The following CEBPZ variants were observed in gnomAD, a reference collection of about 807,000 sequenced individuals.
CEBPZ encodes the protein CCAAT enhancer binding protein zeta.
Under a neutral mutation model 104.5 loss-of-function variants are expected in CEBPZ, and 78 were observed. The observed-to-expected ratio is 0.75, with a 90% CI of 0.62 to 0.90. The LOEUF (loss-of-function observed/expected upper bound fraction) is 0.90, where lower values mean the gene tolerates loss of function less well. Among genes scored for constraint, CEBPZ ranks in the 40% least tolerant of loss-of-function variants. The probability of loss-of-function intolerance (pLI) is 0.00; values close to 1 mark genes in which losing one functional copy is unlikely to be tolerated. For synonymous variants in CEBPZ, 470 were observed against 427.0 expected, an observed-to-expected ratio of 1.10 and a Z score of -1.24; for missense variants, 1,439 against 1,233.5, an observed-to-expected ratio of 1.17 and a Z score of -2.50.
At chr2:37,213,523 T>C (rs1405942722) in intron 10 of CEBPZ, 1 of 173,768 alleles carries the variant, frequency 5.8e-6, no homozygotes, top group Non-Finnish European at 1.2e-5. Context: ...GCGATTCTCG[T>C]GCCTCTGCTT....
intron 13 of CEBPZ, chr2:37,210,392 G>A (rs1324211331): frequency 6.6e-6 from 1 of 152,158 alleles, no homozygotes; most frequent in Non-Finnish European, 1.5e-5. Flanking sequence ...CAACTAATGA[G>A]TGGATAAAGA....
chr2:37,230,466 T>C (rs1489827246), intron 1 of CEBPZ, among the ~76,000 whole-genome samples: 1 of 152,234 alleles, frequency 6.6e-6, no homozygotes, highest in African/African-American at 2.4e-5. Context: ...GTTTCATGTG[T>C]ATATATTACC....
intron 13 of CEBPZ, chr2:37,209,210 C>CCATACTG (rs1486748996): frequency 6.6e-6 from 1 of 152,024 alleles, no homozygotes; most frequent in Non-Finnish European, 1.5e-5. Context: ...GTGAAAATGA[C>CCATACTG]CATACTGCCA....
chr2:37,225,652 G>C (rs989861139), intron 2 of CEBPZ, among the ~76,000 whole-genome samples: 1 of 48,596 alleles, frequency 2.1e-5, no homozygotes, highest in Non-Finnish European at 4.1e-5. Flanking sequence ...GCCAGGTATT[G>C]TCCAAGGTTT....
rs763733214 is a variant in CEBPZ, at chr2:37,228,902, T to A, written c.291A>T (p.Thr97=). The A allele has an allele frequency of 2.3e-5, 37 of 1,611,052 alleles. No homozygotes were observed. Among genetic ancestry groups the A allele is most frequent in the Non-Finnish European group, 3.1e-5 (37 of 1,179,040 alleles). Residue 97 remains threonine (T), a synonymous_variant, in exon 2 of 16, where the codon ACA becomes ACT. Transcript: ENST00000234170. The part of the protein sequence containing the change: ...FIQNLNLAKY[T]KASLVEEDEP... ...CATCTTCTTCAACTAAGGAAGCTTT[T>A]GTATACTTCGCCAAATTAAGATTTT...
chr2:37,223,740 G>T (rs1481174519), intron 2 of CEBPZ, among the ~76,000 whole-genome samples: 1 of 152,212 alleles, frequency 6.6e-6, no homozygotes, highest in South Asian at 2.1e-4. Flanking sequence ...TCTAAAACCA[G>T]ATAGTGAAAA....
chr2:37,215,305 A>T (rs79170531), intron 8 of CEBPZ: 4,407 of 164,030 alleles, frequency 0.027, 96 homozygotes, highest in Middle Eastern at 0.068. Flanking sequence ...AATCACTTTA[A>T]ACTTGTCATT....
At chr2:37,215,703 G>A (rs1026087941) in intron 8 of CEBPZ, among the ~76,000 whole-genome samples, 1 of 152,112 alleles carries the variant, frequency 6.6e-6, no homozygotes, top group African/African-American at 2.4e-5. Flanking sequence ...ATAGAAGTAG[G>A]TTATTAAGTT....
Position 37,229,000 on chromosome 2 carries a change from C to T in CEBPZ, c.193G>A (p.Glu65Lys). 6.3e-7 allele frequency: 1 copy of T among 1,582,274 alleles called. No homozygotes were observed. The highest frequency in any genetic ancestry group is 1.4e-5 in the African/African-American group (1 of 73,394). The change falls in exon 2 of 16, where the codon GAG becomes AAG. Residue 65 changes from glutamate (E) to lysine (K), a missense_variant. By Grantham distance (56) the Glu-to-Lys change is moderately conservative. Transcript: ENST00000234170. ...YLMLATLDEN[E>K]EVIDGGKKGA... ...TTTTTGCCTCCATCTATCACTTCCT[C>T]ATTCTCATCCAAAGTAGCCAGCATA...
chr2:37,206,360 TTTTG>T (rs1362743598), intron 13 of CEBPZ, among the ~76,000 whole-genome samples: 1 of 152,244 alleles, frequency 6.6e-6, no homozygotes, highest in East Asian at 1.9e-4. Context: ...AATCTTTGTT[TTTTG>T]TTTCTTTTTT....
chr2:37,228,962 A>T lies in CEBPZ; in HGVS notation c.231T>A (p.Asp77Glu). ...VIDGGKKGAI[D>E]DLQQGELEAF... ...CTTCCAATTCACCTTGCTGAAGGTC[A>T]TCGATTGCTCCTTTTTTGCCTCCAT... is the stretch of plus-strand genomic sequence containing the variant. Residue 77 changes from aspartate (D) to glutamate (E), a missense_variant, in exon 2 of 16, where the codon GAT (aspartate) becomes GAA (glutamate). Physicochemically the swap from Asp to Glu is conservative, Grantham distance 45. Transcript: ENST00000234170. The T allele has an allele frequency of 3.1e-6, 5 of 1,604,486 alleles. No homozygotes were observed. The highest frequency in any genetic ancestry group is 3.4e-6 in the Non-Finnish European group (4 of 1,177,630).
chr2:37,213,143 C>T (rs1452967869), intron 10 of CEBPZ, among the ~76,000 whole-genome samples: 2 of 152,066 alleles, frequency 1.3e-5, no homozygotes, highest in African/African-American at 4.8e-5. Context: ...TTGTTTAAGT[C>T]TATTAAGTTT....
chr2:37,213,991 T>A (rs1461001604), intron 9 of CEBPZ, 30 bp from the exon 10 acceptor site: 2 of 1,266,738 alleles, frequency 1.6e-6, no homozygotes, highest in African/African-American at 3.1e-5. Flanking sequence ...TATTTGACAA[T>A]TTTATTAAAG....
In CEBPZ at chr2:37,228,130, G is replaced by A. The variant is rs1664937334; in HGVS notation, c.1063C>T (p.His355Tyr). 1 of 1,614,064 alleles carries A rather than the reference G, an allele frequency of 6.2e-7. No individual in the cohort carries two copies. The highest frequency in any genetic ancestry group is 8.5e-7 in the Non-Finnish European group (1 of 1,180,048). The change falls in exon 2 of 16, where the codon CAT becomes TAT. Residue 355 changes from histidine to tyrosine, a missense_variant. His to Tyr is a moderately conservative substitution (Grantham distance 83). Transcript: ENST00000234170. ...EFVQVLETLSHDTLVTTKTRA... is the reference protein window; with the variant it reads ...EFVQVLETLSYDTLVTTKTRA... ...GTTTTAGTGGTTACTAATGTATCATGACTTAAAGTTTCTAAGACCTGCACA... is the reference window on the plus strand; with the variant it reads ...GTTTTAGTGGTTACTAATGTATCATAACTTAAAGTTTCTAAGACCTGCACA...
At chr2:37,216,639 A>G (rs1677872934) in intron 6 of CEBPZ, among the ~76,000 whole-genome samples, 1 of 152,220 alleles carries the variant, frequency 6.6e-6, no homozygotes, top group Non-Finnish European at 1.5e-5. Flanking sequence ...GATTTGATGG[A>G]TAGACTAATA....
Position 37,223,311 on chromosome 2 carries a change from C to T in CEBPZ, c.1740G>A (p.Leu580=). Residue 580 remains leucine (L), a synonymous_variant, in exon 3 of 16, where the codon TTG becomes TTA. Coordinates refer to ENST00000234170, the MANE Select transcript of CEBPZ (RefSeq NM_005760.3). ...TCTTCACAAAAGCCTTCACCCGGCGCAACACAATGTCAGCTTTCAGAGATT... is the reference window on the plus strand; with the variant it reads ...TCTTCACAAAAGCCTTCACCCGGCGTAACACAATGTCAGCTTTCAGAGATT... ...VYKSLKADIV[L]RRVKAFVKRL... The T allele has an allele frequency of 1.9e-6, 3 of 1,614,146 alleles. No individual in the cohort carries two copies. The highest frequency in any genetic ancestry group is 1.7e-6 in the Non-Finnish European group (2 of 1,180,034).
rs781556976 is a variant in CEBPZ, at chr2:37,211,059, T to G, written c.2824A>C (p.Ser942Arg). The change falls in exon 13 of 16, where the codon AGT becomes CGT. Residue 942 changes from serine (S) to arginine (R), a missense_variant. Transcript: ENST00000234170. Reference protein sequence around the residue: ...VPELEVHSKVSTKKSKRKGTD... With the variant: ...VPELEVHSKVRTKKSKRKGTD... ...CCTTTTCTCTTGCTTTTCTTAGTAC[T>G]GACTTTGGAGTGGACTTCAAGTTCT... The G allele has an allele frequency of 1.2e-6, 2 of 1,611,374 alleles. No individual in the cohort carries two copies. Among genetic ancestry groups the G allele is most frequent in the Admixed American group, 1.7e-5 (1 of 59,586 alleles).
At chr2:37,204,037 T>C (rs1677418768) in intron 13 of CEBPZ, 1 of 152,216 alleles carries the variant, frequency 6.6e-6, no homozygotes, top group African/African-American at 2.4e-5. Context: ...TAAAATAGTT[T>C]CTAAAACATT....
chr2:37,213,868 C>A lies in CEBPZ; in HGVS notation c.2541G>T (p.Leu847=). Residue 847 remains leucine, a synonymous_variant, in exon 10 of 16, where the codon CTG becomes CTT. Transcript: ENST00000234170. ...AGAGTCAACAAAACAAATTACCAAT[C>A]AGCTCTTCAAATTCTTCATCATCCA... ...EDVDDEEFEE[L]IDTFEDDNCF... is the part of the protein sequence containing the mutation. 1 of 1,601,162 alleles carries A rather than the reference C, an allele frequency of 6.2e-7. No homozygotes were observed. The highest frequency in any genetic ancestry group is 8.5e-7 in the Non-Finnish European group (1 of 1,171,882).
Sources: gnomAD v4.1 joint callset for allele counts (sites outside exome capture counted in the v4.1 genomes callset) on GRCh38, gnomAD v4.1.1 for gene constraint, MANE v1.5 for transcripts, NCBI Gene and HGNC (gene_info 2026-07-23, HGNC 2026-07-21) for gene names.